Variants in NRXN3 observed in about 807,000 individuals in gnomAD.
NRXN3 encodes the protein neurexin 3.
NRXN3 carries 32 observed loss-of-function variants against 137.6 expected under a neutral mutation model. That is an observed-to-expected ratio of 0.23 (90% CI 0.18 to 0.31). NRXN3 has a LOEUF of 0.31. NRXN3 is among the 10% of genes least tolerant of loss of function. NRXN3 has a pLI of 1.00. For synonymous variants in NRXN3, 798 were observed against 784.5 expected, an observed-to-expected ratio of 1.02 and a Z score of -0.29; for missense variants, 1,574 against 2,062.5, an observed-to-expected ratio of 0.76 and a Z score of 4.59.
chr14:79,007,218 G>A (rs1195247789), intron 15 of NRXN3, among the ~76,000 whole-genome samples: 1 of 152,104 alleles, frequency 6.6e-6, no homozygotes, highest in Non-Finnish European at 1.5e-5. Context: ...AATTCAGAGT[G>A]AGAATTAACC....
chr14:78,974,074 G>A (rs886626506), intron 14 of NRXN3, among the ~76,000 whole-genome samples: 5 of 151,876 alleles, frequency 3.3e-5, no homozygotes, highest in Non-Finnish European at 5.9e-5. Flanking sequence ...TTAAATAAAA[G>A]AATATACACT....
rs184087948 is a variant in NRXN3 at position 78,980,269 on chromosome 14, T to A, written c.3143-7753T>A. On this transcript the variant is annotated intron_variant, in intron 14 of 20. Coordinates refer to ENST00000335750, the MANE Select transcript of NRXN3 (RefSeq NM_001330195.2). ...AAACTTGATATGGCCTCCAGGCCTG[T>A]CACTTCTCCTTTTCTCCCTTACCCT... Among the ~76,000 whole-genome samples the A allele has an allele frequency of 5.9e-5, 9 of 152,356 alleles. No homozygotes were observed. The East Asian group carries it at 1.7e-3, about 29-fold the overall frequency.
At chr14:79,085,447 C>T (rs558687928) in intron 15 of NRXN3, among the ~76,000 whole-genome samples, 15 of 152,182 alleles carry the variant, frequency 9.9e-5, no homozygotes, top group African/African-American at 3.1e-4. Context: ...AGTTTTTGAA[C>T]GTGCCCATTT....
intron 19 of NRXN3, among the ~76,000 whole-genome samples, chr14:79,723,804 T>C (rs1265878914): frequency 6.6e-6 from 1 of 152,090 alleles, no homozygotes; most frequent in Non-Finnish European, 1.5e-5. Flanking sequence ...AAACCAACTT[T>C]CCTTTCCCTT....
intron 4 of NRXN3, among the ~76,000 whole-genome samples, chr14:78,523,144 G>A (rs1301523107): frequency 6.6e-6 from 1 of 152,120 alleles, no homozygotes; most frequent in African/African-American, 2.4e-5. Flanking sequence ...ATAGATATTG[G>A]CACTGCCCTT....
intron 15 of NRXN3, among the ~76,000 whole-genome samples, chr14:79,048,454 G>A (rs1419761283): frequency 6.6e-6 from 1 of 152,108 alleles, no homozygotes; most frequent in Non-Finnish European, 1.5e-5. Context: ...GATTGACACC[G>A]ATTGGCACAC....
intron 4 of NRXN3, among the ~76,000 whole-genome samples, chr14:78,618,254 A>G (rs1358181413): frequency 1.3e-5 from 2 of 151,112 alleles, no homozygotes; most frequent in East Asian, 1.9e-4. Context: ...GAGTTGTGCT[A>G]TACCTTTTTT....
chr14:79,148,092 A>G (rs966403781), intron 15 of NRXN3, among the ~76,000 whole-genome samples: 1 of 152,122 alleles, frequency 6.6e-6, no homozygotes, highest in Non-Finnish European at 1.5e-5. Flanking sequence ...TGGATGGTGA[A>G]AAAAAATATG....
At chr14:78,953,698 C>G (rs1490115936) in intron 10 of NRXN3, among the ~76,000 whole-genome samples, 1 of 152,138 alleles carries the variant, frequency 6.6e-6, no homozygotes, top group Non-Finnish European at 1.5e-5. Context: ...AATTTATTAA[C>G]ATTCTCTACT....
chr14:78,286,098 G>T, intron 3 of NRXN3, among the ~76,000 whole-genome samples: 1 of 152,168 alleles, frequency 6.6e-6, no homozygotes, highest in Non-Finnish European at 1.5e-5. Context: ...CAGACCCACC[G>T]GGGTATTGGT....
intron 15 of NRXN3, among the ~76,000 whole-genome samples, chr14:79,388,137 T>A (rs1025586997): frequency 3.9e-5 from 6 of 152,032 alleles, no homozygotes; most frequent in Middle Eastern, 3.4e-3. Flanking sequence ...AAAAAGTGTG[T>A]GGCGTCTTCC....
intron 8 of NRXN3, among the ~76,000 whole-genome samples, chr14:78,761,812 T>C (rs2098693260): frequency 6.6e-6 from 1 of 152,138 alleles, no homozygotes; most frequent in South Asian, 2.1e-4. Context: ...ATATTAGAAA[T>C]GAGTGCTGGT....
At chr14:78,775,214 T>G (rs1419609761) in intron 8 of NRXN3, among the ~76,000 whole-genome samples, 1 of 152,260 alleles carries the variant, frequency 6.6e-6, no homozygotes, top group East Asian at 1.9e-4. Context: ...GGTGCTTGTT[T>G]AAGAGCTTTT....
rs555752463 is a variant in NRXN3, at chr14:79,333,312, G to T, written c.3263-133909G>T. On this transcript the variant is annotated intron_variant, in intron 15 of 20. Transcript: ENST00000335750. Reference sequence around the variant, plus strand: ...CTCCTCTCCCTTCAGTGACTGCAAGGCTCCTGGTGTGGCTCGTTCTGCTAC... The same window carrying T: ...CTCCTCTCCCTTCAGTGACTGCAAGTCTCCTGGTGTGGCTCGTTCTGCTAC... Among the ~76,000 whole-genome samples, 7 of 152,260 alleles carry T rather than the reference G, an allele frequency of 4.6e-5. 1 individual carries two copies. In the South Asian group the frequency reaches 1.5e-3, roughly 32 times the overall value.
chr14:78,915,865 C>T (rs1317644743), intron 10 of NRXN3, among the ~76,000 whole-genome samples: 1 of 152,088 alleles, frequency 6.6e-6, no homozygotes, highest in Admixed American at 6.5e-5. Flanking sequence ...AGACAAGACA[C>T]TCAAGAGAGT....
At chr14:79,858,710 TAGAC>T (rs1159940678) in intron 20 of NRXN3, among the ~76,000 whole-genome samples, 3 of 152,144 alleles carry the variant, frequency 2.0e-5, no homozygotes, top group African/African-American at 7.2e-5. Context: ...ACGGAAGCTT[TAGAC>T]AGAGTCCATG....
At position 78,846,601 on chromosome 14, in the gene NRXN3, T is replaced by C. The variant is rs1032378727; in HGVS notation, c.2275+36257T>C. On this transcript the variant is annotated intron_variant, in intron 10 of 20. Transcript: ENST00000335750. ...CTTCCATGAATTCCTTTATCTTTCC[T>C]GTCTCCTAACCTGGCTTCCCTGGTG... Among the ~76,000 whole-genome samples the C allele has an allele frequency of 4.6e-5, 7 of 152,246 alleles. No homozygotes were observed. The East Asian group carries it at 9.7e-4, about 21-fold the overall frequency.
chr14:79,268,714 TG>T (rs1159562789), intron 15 of NRXN3, among the ~76,000 whole-genome samples: 1 of 152,182 alleles, frequency 6.6e-6, no homozygotes, highest in Non-Finnish European at 1.5e-5. Flanking sequence ...ATAGGTGGTT[TG>T]GGTTCAAATA....
At chr14:79,087,421 C>A in intron 15 of NRXN3, among the ~76,000 whole-genome samples, 1 of 152,056 alleles carries the variant, frequency 6.6e-6, no homozygotes, top group East Asian at 1.9e-4. Flanking sequence ...AGAGCTGTCA[C>A]CTTGCCTGAT....
Sources: allele counts gnomAD v4.1 joint callset (sites outside exome capture counted in the v4.1 genomes callset), GRCh38; gene constraint gnomAD v4.1.1; transcripts MANE v1.5; gene names NCBI Gene and HGNC (gene_info 2026-07-23, HGNC 2026-07-21).